ERCC6: variants seen among roughly 807,000 people sequenced by gnomAD.
ERCC6 encodes the protein DNA excision repair protein ERCC-6.
A neutral mutation model predicts 158.7 loss-of-function variants in ERCC6; 116 were observed. That is an observed-to-expected ratio of 0.73 (90% confidence interval 0.63 to 0.85). The LOEUF is 0.85. Among genes scored for constraint, ERCC6 ranks in the 40% least tolerant of loss-of-function variants. The probability of loss-of-function intolerance (pLI) is 0.00; values close to 1 mark genes in which losing one functional copy is unlikely to be tolerated. For synonymous variants in ERCC6, 678 were observed against 659.3 expected (o/e 1.03, Z -0.43); for missense variants, 1,698 against 1,799.4 (o/e 0.94, Z 1.02).
At chr10:49,439,969 G>C in the ERCC6 span, among the ~76,000 whole-genome samples, 3 of 152,060 alleles carry the variant, frequency 2.0e-5, no homozygotes, top group Non-Finnish European at 4.4e-5. Flanking sequence ...TTGCTATCAG[G>C]CTTCTGGTCA....
rs1269279735 is a variant in ERCC6, at chr10:49,501,819, G to A, written c.1527-1123C>T. ...AGAAAAAAAAAAAAAATTTAGCCAG[G>A]AGTGGTGGCACGTGCCTGTAGTCCT... On this transcript the variant is annotated intron_variant, in intron 6 of 20. Transcript: ENST00000355832. 8 of 152,178 alleles carry A rather than the reference G, an allele frequency of 5.3e-5. No homozygotes were observed. The South Asian group carries it at 8.3e-4, about 16-fold the overall frequency. The allele number at this position is 152,178 out of a possible 1,614,324, so 9.4% of individuals were successfully genotyped here.
At position 49,499,514 on chromosome 10, in the gene ERCC6, G is replaced by T. The variant is rs1012809731; in HGVS notation, c.1685+1024C>A. Among the ~76,000 whole-genome samples the T allele has an allele frequency of 5.9e-5, 9 of 151,662 alleles. No individual in the cohort carries two copies. In the East Asian group the frequency reaches 1.7e-3, roughly 29 times the overall value. On this transcript the variant is annotated intron_variant, in intron 7 of 20. Coordinates refer to ENST00000355832, the MANE Select transcript of ERCC6 (RefSeq NM_000124.4). ...TCAGGCACACTGACACTACTGTAAA[G>T]GTTATCTCCAAATCATATATAGGGA...
intron 8 of ERCC6, among the ~76,000 whole-genome samples, chr10:49,489,739 G>GA (rs199779724): frequency 9.8e-4 from 148 of 150,482 alleles, no homozygotes; most frequent in Middle Eastern, 3.4e-3. Context: ...CCAATAAATT[G>GA]AAAAAAAAAT....
In ERCC6 at chr10:49,457,077, C is replaced by A. The variant is rs1217414134; in HGVS notation, c.*1738G>T. The A allele has an allele frequency of 2.6e-5, 4 of 152,300 alleles. No individual in the cohort carries two copies. The highest frequency in any genetic ancestry group is 1.3e-4 in the Admixed American group (2 of 15,306). The allele number at this position is 152,300 out of a possible 1,614,324, so 9.4% of individuals were successfully genotyped here. On this transcript the variant is annotated 3_prime_UTR_variant, in exon 21 of 21. Transcript: ENST00000355832. ...ATGCTTCATGAGTGAACAAGGTCAG[C>A]AGATCACCCTGAGAACAAGGAAGAC...
chr10:49,460,447 T>C lies in ERCC6; in HGVS notation c.3988A>G (p.Arg1330Gly). 6.2e-7 allele frequency: 1 copy of C among 1,610,128 alleles called. No homozygotes were observed. The highest frequency in any genetic ancestry group is 8.5e-7 in the Non-Finnish European group (1 of 1,176,406). The change falls in exon 20 of 21, where the codon AGA becomes GGA. Residue 1330 changes from arginine (R) to glycine (G), a missense_variant. Coordinates refer to ENST00000355832, the MANE Select transcript of ERCC6 (RefSeq NM_000124.4). ...ISGAPAGKKS[R>G]FGKKRNSNFS... ...TTAGAATTCCTTTTCTTACCAAATC[T>C]ACTCCTAAAAAAGGAAAAGCATCAC...
chr10:49,525,041 CAA>C, intron 4 of ERCC6: 1 of 694,972 alleles, frequency 1.4e-6, no homozygotes, highest in Non-Finnish European at 2.2e-6. Context: ...CTCTGCCATC[CAA>C]AGATAGGCTT....
chr10:49,476,291 G>A lies in ERCC6; in HGVS notation c.2306C>T (p.Thr769Ile). ...TTGGTAGACTTTATGCTGCTCATCT[G>A]TAAGACGGCAAAATAAGACCTACGG... ...KNEQVLFCRLTDEQHKVYQNF... is the reference protein window; with the variant it reads ...KNEQVLFCRLIDEQHKVYQNF... Residue 769 changes from threonine to isoleucine, a missense_variant, in exon 12 of 21, where the codon ACA becomes ATA. Transcript: ENST00000355832. The A allele has an allele frequency of 6.2e-7, 1 of 1,613,274 alleles. No homozygotes were observed. Among genetic ancestry groups the A allele is most frequent in the Non-Finnish European group, 8.5e-7 (1 of 1,179,470 alleles).
chr10:49,537,074 G>A (rs534803517), intron 1 of ERCC6, among the ~76,000 whole-genome samples: 10 of 152,222 alleles, frequency 6.6e-5, no homozygotes, highest in South Asian at 4.1e-4. Context: ...TGCCGGGAGC[G>A]GTGGCTCATG....
intron 8 of ERCC6, among the ~76,000 whole-genome samples, chr10:49,490,107 A>G (rs1212298128): frequency 2.6e-5 from 4 of 152,234 alleles, no homozygotes; most frequent in Non-Finnish European, 2.9e-5. Context: ...GAGATTCAGA[A>G]GCCTAAAAAT....
chr10:49,525,473 C>T (rs1837293363), intron 4 of ERCC6, among the ~76,000 whole-genome samples: 1 of 152,194 alleles, frequency 6.6e-6, no homozygotes, highest in African/African-American at 2.4e-5. Context: ...GTGAAGTTAA[C>T]TGACTTGAAG....
In ERCC6 at chr10:49,456,127, T is replaced by C. The variant is rs1850479984; in HGVS notation, c.*2688A>G. 6.6e-6 allele frequency: 1 copy of C among 152,246 alleles called. No homozygotes were observed. Among genetic ancestry groups the C allele is most frequent in the African/African-American group, 2.4e-5 (1 of 41,460 alleles). The allele number at this position is 152,246 out of a possible 1,614,324, so 9.4% of individuals were successfully genotyped here. A position where few individuals can be genotyped will look rare whatever the true frequency, so the allele number is the denominator to read the frequency against. ...CATATTTAAAGCAAACTAATTGCTATAATAGACTTCAAAAGACAGTAGCTT... is the reference window on the plus strand; with the variant it reads ...CATATTTAAAGCAAACTAATTGCTACAATAGACTTCAAAAGACAGTAGCTT... On this transcript the variant is annotated 3_prime_UTR_variant, in exon 21 of 21. Coordinates refer to ENST00000355832, the MANE Select transcript of ERCC6 (RefSeq NM_000124.4).
At chr10:49,491,156 A>G (rs1851168046) in intron 8 of ERCC6, among the ~76,000 whole-genome samples, 2 of 152,346 alleles carry the variant, frequency 1.3e-5, no homozygotes, top group African/African-American at 4.8e-5. Context: ...AGGCCTATGG[A>G]AAGGAACTAT....
chr10:49,533,116 T>A, intron 1 of ERCC6, 138 bp from the exon 2 acceptor site: 1 of 1,097,238 alleles, frequency 9.1e-7, no homozygotes. Context: ...AGTTTCCAAG[T>A]ATTAATTTAC....
rs1850474423 is a variant in ERCC6 at position 49,455,775 on chromosome 10, A to G, written c.*3040T>C. 1 of 152,276 alleles carries G rather than the reference A, an allele frequency of 6.6e-6. No homozygotes were observed. Among genetic ancestry groups the G allele is most frequent in the Non-Finnish European group, 1.5e-5 (1 of 68,050 alleles). The allele number at this position is 152,276 out of a possible 1,614,324, so 9.4% of individuals were successfully genotyped here. ...ATCTACAAATGGCCAATAAACATGG[A>G]AATGTTTGATTTTGTACGTAATCAG... On this transcript the variant is annotated 3_prime_UTR_variant, in exon 21 of 21. Transcript: ENST00000355832.
intron 8 of ERCC6, among the ~76,000 whole-genome samples, chr10:49,484,286 A>C (rs1412855214): frequency 5.5e-5 from 8 of 146,398 alleles, no homozygotes. Context: ...CTCAAAAAAA[A>C]AAAAAGAAAA....
At chr10:49,506,616 A>G (rs1851447992) in intron 5 of ERCC6, 1 of 152,430 alleles carries the variant, frequency 6.6e-6, no homozygotes, top group Non-Finnish European at 1.5e-5. Flanking sequence ...AATAAAATCT[A>G]AGTTACAAAT....
rs1295824251 is a variant in ERCC6, at chr10:49,454,829, A to G, written c.*3986T>C. ...TGATAAAAACAGTGGGTTACTAAGCAAAGTTAGATAAATGGACCAATTTAA... is the reference window on the plus strand; with the variant it reads ...TGATAAAAACAGTGGGTTACTAAGCGAAGTTAGATAAATGGACCAATTTAA... On this transcript the variant is annotated 3_prime_UTR_variant, in exon 21 of 21. Coordinates refer to ENST00000355832, the MANE Select transcript of ERCC6 (RefSeq NM_000124.4). Among the ~76,000 whole-genome samples, 5 of 152,220 alleles carry G rather than the reference A, an allele frequency of 3.3e-5. No individual in the cohort carries two copies. Among genetic ancestry groups the G allele is most frequent in the Non-Finnish European group, 1.5e-5 (1 of 68,040 alleles).
Position 49,457,040 on chromosome 10 carries a change from T to C in ERCC6, c.*1775A>G, listed in dbSNP as rs1051028328. On this transcript the variant is annotated 3_prime_UTR_variant, in exon 21 of 21. Transcript: ENST00000355832. ...CAGTTTATGTTTCAGACACTATAAG[T>C]ATGATACCCAAATGCTTCATGAGTG... The C allele has an allele frequency of 6.6e-6, 1 of 152,198 alleles. No individual in the cohort carries two copies. Among genetic ancestry groups the C allele is most frequent in the Admixed American group, 6.5e-5 (1 of 15,280 alleles). The allele number at this position is 152,198 out of a possible 1,614,324, so 9.4% of individuals were successfully genotyped here. A position where few individuals can be genotyped will look rare whatever the true frequency, so the allele number is the denominator to read the frequency against.
chr10:49,451,245 GTCTT>G (rs1056179925), downstream of ERCC6, among the ~76,000 whole-genome samples: 2 of 142,822 alleles, frequency 1.4e-5, no homozygotes, highest in Non-Finnish European at 3.0e-5. Flanking sequence ...TTTGTGAACA[GTCTT>G]TCTTCTTCCT....
Sources: allele counts gnomAD v4.1 joint callset (sites outside exome capture counted in the v4.1 genomes callset), GRCh38; gene constraint gnomAD v4.1.1; transcripts MANE v1.5; gene names NCBI Gene and HGNC (gene_info 2026-07-23, HGNC 2026-07-21).